The following ALPK3 variants were observed in gnomAD, a reference collection of about 807,000 sequenced individuals.
ALPK3 encodes the protein alpha kinase 3, also known as alpha-protein kinase 3.
Under a neutral mutation model 140.0 loss-of-function variants are expected in ALPK3, and 102 were observed. The ratio of observed to expected loss-of-function variants is 0.73; its 90% CI spans 0.62 to 0.86. The LOEUF (loss-of-function observed/expected upper bound fraction) is 0.86, where lower values mean the gene tolerates loss of function less well. Among genes scored for constraint, ALPK3 ranks in the 40% least tolerant of loss-of-function variants. ALPK3 has a pLI of 0.00. For missense variants in ALPK3, 2,254 were observed against 2,208.2 expected (o/e 1.02, Z -0.42); for synonymous variants, 938 against 898.5 (o/e 1.04, Z -0.79).
In ALPK3 at chr15:84,838,094, G is replaced by A. The variant is rs193233603; in HGVS notation, c.305-886G>A. 3.9e-3 allele frequency among the ~76,000 whole-genome samples: 597 copies of A among 152,272 alleles called. 2 individuals are homozygous for A. The highest frequency in any genetic ancestry group is 0.014 in the African/African-American group (572 of 41,544). The stretch of plus-strand genomic sequence containing the variant: ...AAGGGGCTGGGCAGACACCTCAGTC[G>A]GTGTCACTGCAGTGACAGGGTGGGT... On this transcript the variant is annotated intron_variant, in intron 3 of 13. Coordinates refer to ENST00000258888, the MANE Select transcript of ALPK3 (RefSeq NM_020778.5).
rs745558076 is a variant in ALPK3 at position 84,863,632 on chromosome 15, G to A, written c.4491G>A (p.Glu1497=). The change falls in exon 11 of 14, where the codon GAG becomes GAA. Residue 1497 remains glutamate, a synonymous_variant. Transcript: ENST00000258888. ...CCCGGGCCGCGCCTGGCTTTGGGGA[G>A]GTGCCTGAGTAAGTACGCAGCGAGG... ...AEARAAPGFG[E]VPEIIPLYLI... is the part of the protein sequence containing the mutation. The A allele has an allele frequency of 6.2e-7, 1 of 1,613,978 alleles. No individual in the cohort carries two copies. The highest frequency in any genetic ancestry group is 8.5e-7 in the Non-Finnish European group (1 of 1,179,936).
chr15:84,829,725 G>A (rs939706981), intron 3 of ALPK3, among the ~76,000 whole-genome samples: 1 of 152,166 alleles, frequency 6.6e-6, no homozygotes, highest in Non-Finnish European at 1.5e-5. Context: ...TCCACCCAGG[G>A]GTGTGCTTTT....
At chr15:84,838,739 C>A (rs1248820597) in intron 3 of ALPK3, among the ~76,000 whole-genome samples, 1 of 151,872 alleles carries the variant, frequency 6.6e-6, no homozygotes, top group Non-Finnish European at 1.5e-5. Flanking sequence ...CCTGCCTCAG[C>A]CTCTCAAGCA....
At chr15:84,827,455 AG>A (rs1268579024) in intron 2 of ALPK3, 28 bp from the exon 3 acceptor site, 1 of 1,613,330 alleles carries the variant, frequency 6.2e-7, no homozygotes, top group East Asian at 2.2e-5. Context: ...GGGGAAGGCC[AG>A]CTCTGAATAG....
At chr15:84,864,852 C>G (rs528210124) in intron 12 of ALPK3, among the ~76,000 whole-genome samples, 187 bp downstream of exon 12, 10 of 152,272 alleles carry the variant, frequency 6.6e-5, no homozygotes, top group African/African-American at 2.2e-4. Context: ...TAATACATAC[C>G]TCATGTAGCC....
rs1963658031 is a variant in ALPK3, at chr15:84,840,948, G to C, written c.1653+16G>C. 6.5e-7 allele frequency: 1 copy of C among 1,543,776 alleles called. No homozygotes were observed. The highest frequency in any genetic ancestry group is 1.2e-5 in the South Asian group (1 of 80,398). The stretch of plus-strand genomic sequence containing the variant: ...TCCAGGAGAGGTAAGTGTGGGTGTT[G>C]GGTGCCTGGAGGCCGCTCTGGGAAG... On this transcript the variant is annotated intron_variant, in intron 5 of 13. Coordinates refer to ENST00000258888, the MANE Select transcript of ALPK3 (RefSeq NM_020778.5).
intron 3 of ALPK3, among the ~76,000 whole-genome samples, chr15:84,833,326 AG>A (rs1963564409): frequency 6.6e-6 from 1 of 152,218 alleles, no homozygotes; most frequent in Admixed American, 6.5e-5. Flanking sequence ...ACATTAGGAA[AG>A]AGGTCTCTAT....
At chr15:84,859,117 T>A (rs1197337661) in intron 6 of ALPK3, 126 bp from the exon 7 acceptor site, 1 of 1,302,932 alleles carries the variant, frequency 7.7e-7, no homozygotes, top group Non-Finnish European at 1.1e-6. Flanking sequence ...GGGCTGTGAG[T>A]GGTAGGTCTG....
intron 13 of ALPK3, among the ~76,000 whole-genome samples, chr15:84,867,634 G>A (rs2141575841): frequency 6.6e-6 from 1 of 152,256 alleles, no homozygotes; most frequent in East Asian, 1.9e-4. Flanking sequence ...GAGGATGGTT[G>A]CCAAGGTGCC....
chr15:84,817,534 C>T lies in ALPK3; in HGVS notation c.82C>T (p.Pro28Ser), dbSNP rs1268648693. 4.7e-6 allele frequency: 7 copies of T among 1,498,676 alleles called. No individual in the cohort carries two copies. Among genetic ancestry groups the T allele is most frequent in the Non-Finnish European group, 5.3e-6 (6 of 1,130,306 alleles). The allele number at this position is 1,498,676 out of a possible 1,614,324, so 92.8% of individuals were successfully genotyped here. The part of the protein sequence containing the change: ...GAGGDGEDDG[P>S]VWIPSPASRS... Reference sequence around the variant, plus strand: ...GGGGGGCGACGGTGAGGACGACGGCCCCGTGTGGATCCCCAGCCCAGCCAG... The same window carrying T: ...GGGGGGCGACGGTGAGGACGACGGCTCCGTGTGGATCCCCAGCCCAGCCAG... Residue 28 changes from proline to serine, a missense_variant, in exon 1 of 14, where the codon CCC (proline) becomes TCC (serine). By Grantham distance (74) the Pro-to-Ser change is moderately conservative (BLOSUM62 -1). Transcript: ENST00000258888.
intron 10 of ALPK3, 99 bp downstream of exon 10, chr15:84,863,014 GCAT>G (rs1963966720): frequency 6.7e-7 from 1 of 1,483,232 alleles, no homozygotes; most frequent in African/African-American, 1.4e-5. Context: ...GAGGCAGAAG[GCAT>G]CTCAGTCTCA....
chr15:84,856,486 G>A lies in ALPK3; in HGVS notation c.1748G>A (p.Gly583Asp), dbSNP rs778630617. The A allele has an allele frequency of 6.2e-7, 1 of 1,614,166 alleles. No individual in the cohort carries two copies. Residue 583 changes from glycine (G) to aspartate (D), a missense_variant, in exon 6 of 14, where the codon GGT becomes GAT. By Grantham distance (94) the Gly-to-Asp change is moderately conservative. Transcript: ENST00000258888. ...SIGVSTSGSQ[G>D]IIEPMDMETQ... ...GGGGTTAGCACTTCCGGAAGTCAAG[G>A]TATCATTGAACCCATGGATATGGAA...
At chr15:84,844,781 C>G (rs1017554916) in intron 5 of ALPK3, among the ~76,000 whole-genome samples, 1 of 151,866 alleles carries the variant, frequency 6.6e-6, no homozygotes, top group Non-Finnish European at 1.5e-5. Flanking sequence ...CGCTTGAACC[C>G]GAGAGGTGGA....
At chr15:84,845,189 C>G (rs1438908118) in intron 5 of ALPK3, among the ~76,000 whole-genome samples, 1 of 151,804 alleles carries the variant, frequency 6.6e-6, no homozygotes, top group South Asian at 2.1e-4. Flanking sequence ...GTTTGAAACC[C>G]AGATGTAAAC....
chr15:84,864,393 GCTCT>G, intron 11 of ALPK3, 45 bp from the exon 12 acceptor site: 1 of 1,563,212 alleles, frequency 6.4e-7, no homozygotes, highest in Non-Finnish European at 8.8e-7. Context: ...GGAGGGAGGA[GCTCT>G]CTGGGCCATA....
intron 5 of ALPK3, chr15:84,852,538 A>G (rs1349542734): frequency 1.0e-5 from 3 of 299,172 alleles, no homozygotes. Context: ...ATCGAGTGCC[A>G]TGGCATCCTA....
intron 5 of ALPK3, among the ~76,000 whole-genome samples, chr15:84,851,625 C>T (rs1193426705): frequency 2.0e-5 from 3 of 151,982 alleles, no homozygotes; most frequent in Non-Finnish European, 4.4e-5. Flanking sequence ...TTTGAAAATA[C>T]GTGTGTGTGT....
At chr15:84,845,387 T>C (rs1204236965) in intron 5 of ALPK3, among the ~76,000 whole-genome samples, 2 of 152,140 alleles carry the variant, frequency 1.3e-5, no homozygotes, top group African/African-American at 4.8e-5. Context: ...TGTTCCTTTT[T>C]TTTTCTCCTG....
rs758092874 is a variant in ALPK3 at position 84,840,662 on chromosome 15, C to T, written c.1383C>T (p.Gly461=). ...GGGCTAGAAGCGAGGGGGTGCCTGG[C>T]GCTCCTGGCCAGCCCACACACTCCT... ...PLRARSEGVP[G]APGQPTHSLT... is the part of the protein sequence containing the mutation. Residue 461 remains glycine (G), a synonymous_variant, in exon 5 of 14, where the codon GGC becomes GGT. Coordinates refer to ENST00000258888, the MANE Select transcript of ALPK3 (RefSeq NM_020778.5). 6.3e-6 allele frequency: 10 copies of T among 1,579,950 alleles called. No individual in the cohort carries two copies. The highest frequency in any genetic ancestry group is 4.7e-5 in the South Asian group (4 of 85,054).
Sources: gnomAD v4.1 joint callset for allele counts (sites outside exome capture counted in the v4.1 genomes callset) on GRCh38, gnomAD v4.1.1 for gene constraint, MANE v1.5 for transcripts, NCBI Gene and HGNC (gene_info 2026-07-23, HGNC 2026-07-21) for gene names.